The following NELL2 variants were observed in gnomAD, a reference collection of about 807,000 sequenced individuals.
NELL2 encodes the protein protein kinase C-binding protein NELL2.
NELL2 carries 41 observed loss-of-function variants against 109.6 expected under a neutral mutation model. That is an observed-to-expected ratio of 0.37 (90% CI 0.29 to 0.49). The LOEUF is 0.49. Ranked by LOEUF, NELL2 falls within the 20% of genes least tolerant of loss-of-function variation. The pLI, the probability that NELL2 is intolerant of heterozygous loss-of-function variation, is 0.98. For missense variants in NELL2, 900 were observed against 1,008.3 expected (o/e 0.89, Z 1.45); for synonymous variants, 355 against 344.7 (o/e 1.03, Z -0.33).
At chr12:44,864,576 A>G (rs989626323) in intron 2 of NELL2, among the ~76,000 whole-genome samples, 1 of 152,228 alleles carries the variant, frequency 6.6e-6, no homozygotes, top group Non-Finnish European at 1.5e-5. Context: ...AAATATTAAT[A>G]TATCTAAAAG....
intron 9 of NELL2, among the ~76,000 whole-genome samples, chr12:44,731,485 T>C (rs1422058016): frequency 6.6e-6 from 1 of 152,004 alleles, no homozygotes; most frequent in East Asian, 1.9e-4. Flanking sequence ...AAGAACAAAG[T>C]ATAACATCAC....
chr12:44,837,177 C>G (rs745913642), intron 2 of NELL2, among the ~76,000 whole-genome samples: 12 of 152,192 alleles, frequency 7.9e-5, no homozygotes, highest in Non-Finnish European at 1.5e-4. Flanking sequence ...TTTGAATTCA[C>G]TATGTTGGTA....
At chr12:44,751,425 C>T (rs1377301278) in intron 9 of NELL2, among the ~76,000 whole-genome samples, 1 of 152,048 alleles carries the variant, frequency 6.6e-6, no homozygotes, top group Admixed American at 6.6e-5. Flanking sequence ...AAATTTGAAT[C>T]ATAGTTTATC....
At chr12:44,777,659 A>G (rs2136592588) in intron 5 of NELL2, among the ~76,000 whole-genome samples, 1 of 152,350 alleles carries the variant, frequency 6.6e-6, no homozygotes, top group South Asian at 2.1e-4. Context: ...CCTGATAATA[A>G]TTTCTAGCTT....
chr12:44,630,462 TTCATTTGAAAGTGTATA>T (rs1178679376), intron 13 of NELL2, among the ~76,000 whole-genome samples: 1 of 152,200 alleles, frequency 6.6e-6, no homozygotes, highest in Non-Finnish European at 1.5e-5. Flanking sequence ...ATCGATCTTC[TTCATTTGAAAGTGTATA>T]TCTTTTGAAA....
intron 2 of NELL2, among the ~76,000 whole-genome samples, chr12:44,874,574 C>T (rs1945260157): frequency 6.6e-6 from 1 of 152,236 alleles, no homozygotes; most frequent in South Asian, 2.1e-4. Context: ...GTTGTAAAAT[C>T]GTAAGTACAC....
chr12:44,634,426 G>A (rs559383956), intron 13 of NELL2, among the ~76,000 whole-genome samples: 20 of 149,506 alleles, frequency 1.3e-4, no homozygotes, highest in African/African-American at 4.9e-4. Flanking sequence ...TGTGGTGTTT[G>A]GTTTTCTGTT....
intron 2 of NELL2, among the ~76,000 whole-genome samples, chr12:44,829,315 A>C (rs1256383075): frequency 6.6e-6 from 1 of 152,190 alleles, no homozygotes; most frequent in Non-Finnish European, 1.5e-5. Flanking sequence ...AATACCTATA[A>C]ATAGCAGTCT....
At chr12:44,578,455 T>C (rs1051922740) in intron 15 of NELL2, among the ~76,000 whole-genome samples, 2 of 151,932 alleles carry the variant, frequency 1.3e-5, no homozygotes, top group Admixed American at 6.6e-5. Context: ...CCTAAGGCTA[T>C]GAAAATAGAG....
chr12:44,829,917 G>A (rs1401047819), intron 2 of NELL2, among the ~76,000 whole-genome samples: 1 of 151,998 alleles, frequency 6.6e-6, no homozygotes, highest in African/African-American at 2.4e-5. Flanking sequence ...GAATCACAAG[G>A]CTTTCTTTTA....
At chr12:44,742,034 A>AG (rs1940004014) in intron 9 of NELL2, among the ~76,000 whole-genome samples, 1 of 152,078 alleles carries the variant, frequency 6.6e-6, no homozygotes, top group African/African-American at 2.4e-5. Context: ...CCTGACCTCC[A>AG]AGTAGCCTAA....
At chr12:44,683,609 A>C (rs1221828748) in intron 12 of NELL2, among the ~76,000 whole-genome samples, 1 of 151,974 alleles carries the variant, frequency 6.6e-6, no homozygotes, top group Non-Finnish European at 1.5e-5. Flanking sequence ...TACCTAATTT[A>C]TTGAGAGTTT....
chr12:44,759,634 C>G (rs1427428002), intron 9 of NELL2, among the ~76,000 whole-genome samples: 1 of 152,186 alleles, frequency 6.6e-6, no homozygotes, highest in Non-Finnish European at 1.5e-5. Context: ...ATTTCTTAAG[C>G]TATTAAATTC....
chr12:44,770,595 T>G (rs1180196239), intron 9 of NELL2, among the ~76,000 whole-genome samples: 1 of 152,226 alleles, frequency 6.6e-6, no homozygotes, highest in Non-Finnish European at 1.5e-5. Context: ...AAGTGTAATC[T>G]ATATTATATA....
At chr12:44,694,520 A>AACACACATAC (rs1948995902) in intron 12 of NELL2, among the ~76,000 whole-genome samples, 1 of 144,308 alleles carries the variant, frequency 6.9e-6, no homozygotes, top group South Asian at 2.3e-4. Context: ...CACACATACA[A>AACACACATAC]ACACACACAC....
chr12:44,849,661 A>C (rs967566837), intron 2 of NELL2, among the ~76,000 whole-genome samples: 3 of 152,210 alleles, frequency 2.0e-5, no homozygotes, highest in Non-Finnish European at 4.4e-5. Flanking sequence ...AAAAGGAATA[A>C]AAGTAAATGT....
chr12:44,561,654 T>C (rs1426863939), intron 15 of NELL2, among the ~76,000 whole-genome samples: 2 of 152,126 alleles, frequency 1.3e-5, no homozygotes, highest in African/African-American at 4.8e-5. Context: ...AAACCACTGC[T>C]CAAGGAAATA....
At chr12:44,750,619 A>C (rs1165301017) in intron 9 of NELL2, among the ~76,000 whole-genome samples, 2 of 152,162 alleles carry the variant, frequency 1.3e-5, no homozygotes, top group Non-Finnish European at 2.9e-5. Context: ...CTCATGGAAA[A>C]GGAATCTTTT....
intron 1 of NELL2, among the ~76,000 whole-genome samples, chr12:44,920,191 C>T (rs1441663082): frequency 6.6e-6 from 1 of 151,852 alleles, no homozygotes; most frequent in South Asian, 2.1e-4. Context: ...GAAGAATAAA[C>T]GGGGTCAAGA....
Sources: gnomAD v4.1 joint callset for allele counts (sites outside exome capture counted in the v4.1 genomes callset) on GRCh38, gnomAD v4.1.1 for gene constraint, MANE v1.5 for transcripts, NCBI Gene and HGNC (gene_info 2026-07-23, HGNC 2026-07-21) for gene names.